Variants in KDM4C observed in about 807,000 individuals in gnomAD.
KDM4C encodes the protein lysine-specific demethylase 4C.
Under a neutral mutation model 129.3 loss-of-function variants are expected in KDM4C, and 81 were observed. The ratio of observed to expected loss-of-function variants is 0.63; its 90% CI spans 0.52 to 0.75. KDM4C has a LOEUF of 0.75. Among genes scored for constraint, KDM4C ranks in the 30% least tolerant of loss-of-function variants. The pLI is 0.00. For synonymous variants in KDM4C, 573 were observed against 456.1 expected (o/e 1.26, Z -3.26); for missense variants, 1,457 against 1,304.0 (o/e 1.12, Z -1.81).
At chr9:6,871,169 A>G (rs1842773153) in intron 5 of KDM4C, among the ~76,000 whole-genome samples, 1 of 152,254 alleles carries the variant, frequency 6.6e-6, no homozygotes. Context: ...AAGTAAGTGG[A>G]CTGAGCATAT....
intron 2 of KDM4C, among the ~76,000 whole-genome samples, chr9:6,796,991 ATTT>A (rs34065981): frequency 2.8e-5 from 4 of 143,898 alleles, no homozygotes; most frequent in Non-Finnish European, 3.0e-5. Flanking sequence ...TTAATGCACT[ATTT>A]TTTTTTTTTT....
intron 12 of KDM4C, among the ~76,000 whole-genome samples, chr9:7,006,940 A>G (rs553883041): frequency 3.5e-4 from 54 of 152,376 alleles, no homozygotes; most frequent in African/African-American, 1.2e-3. Context: ...AGTTTATAAA[A>G]TAAATTTTTA....
At chr9:6,787,290 T>G (rs1326415774) in intron 1 of KDM4C, among the ~76,000 whole-genome samples, 1 of 152,242 alleles carries the variant, frequency 6.6e-6, no homozygotes, top group African/African-American at 2.4e-5. Flanking sequence ...TAGAGTGCAG[T>G]GGCACCGTCT....
intron 19 of KDM4C, among the ~76,000 whole-genome samples, chr9:7,164,699 C>T (rs1844189161): frequency 6.6e-6 from 1 of 152,166 alleles, no homozygotes; most frequent in African/African-American, 2.4e-5. Context: ...GCTCCACTTC[C>T]ACCTGGGTGT....
intron 17 of KDM4C, among the ~76,000 whole-genome samples, chr9:7,094,732 T>C (rs940841652): frequency 6.6e-6 from 1 of 152,230 alleles, no homozygotes; most frequent in Non-Finnish European, 1.5e-5. Context: ...GCATTGACTT[T>C]ATAGCTTTTC....
At chr9:6,801,238 A>AT (rs1828889987) in intron 2 of KDM4C, among the ~76,000 whole-genome samples, 2 of 133,202 alleles carry the variant, frequency 1.5e-5, no homozygotes, top group Non-Finnish European at 3.1e-5. Context: ...TGAGTAGGGA[A>AT]ATTTTTTTTT....
intron 21 of KDM4C, chr9:7,170,272 C>T: frequency 9.2e-7 from 1 of 1,088,926 alleles, no homozygotes; most frequent in Middle Eastern, 4.2e-4. Flanking sequence ...TCAAAGGGGA[C>T]TCGGCATAAT....
chr9:7,111,911 G>A (rs1457641830), intron 18 of KDM4C, among the ~76,000 whole-genome samples: 3 of 152,178 alleles, frequency 2.0e-5, no homozygotes, highest in South Asian at 2.1e-4. Flanking sequence ...TGAGGGACAG[G>A]AAGGATTATC....
chr9:6,824,838 A>G (rs183911656), intron 4 of KDM4C, among the ~76,000 whole-genome samples: 8 of 152,188 alleles, frequency 5.3e-5, no homozygotes, highest in African/African-American at 1.9e-4. Context: ...CAAATCTCTT[A>G]TGTCTAGCTC....
At chr9:7,061,704 C>T (rs1233276740) in intron 17 of KDM4C, among the ~76,000 whole-genome samples, 3 of 151,532 alleles carry the variant, frequency 2.0e-5, no homozygotes, top group African/African-American at 2.4e-5. Context: ...ACTTTTTTCC[C>T]AATATCGACT....
intron 5 of KDM4C, among the ~76,000 whole-genome samples, chr9:6,865,460 G>A (rs1290111028): frequency 6.6e-6 from 1 of 152,160 alleles, no homozygotes; most frequent in Non-Finnish European, 1.5e-5. Flanking sequence ...TTCTTGCTTT[G>A]TCCATTTGAG....
chr9:7,171,905 G>A (rs866889188), intron 21 of KDM4C, among the ~76,000 whole-genome samples: 33 of 152,146 alleles, frequency 2.2e-4, no homozygotes, highest in African/African-American at 7.5e-4. Context: ...GCTATTCTGA[G>A]CGGCTAAGCC....
At chr9:6,793,445 G>A (rs1379819455) in intron 2 of KDM4C, among the ~76,000 whole-genome samples, 1 of 151,626 alleles carries the variant, frequency 6.6e-6, no homozygotes, top group Non-Finnish European at 1.5e-5. Flanking sequence ...GTTTTTGTCA[G>A]TTTTTTTGTA....
At chr9:6,951,761 C>T (rs962024099) in intron 8 of KDM4C, among the ~76,000 whole-genome samples, 1 of 152,044 alleles carries the variant, frequency 6.6e-6, no homozygotes, top group African/African-American at 2.4e-5. Context: ...TAGAGATGCC[C>T]AAATTCATTT....
At chr9:6,936,210 C>A (rs192394054) in intron 8 of KDM4C, among the ~76,000 whole-genome samples, 32 of 152,216 alleles carry the variant, frequency 2.1e-4, no homozygotes, top group South Asian at 1.2e-3. Context: ...GGATATCCAG[C>A]TGTTTGTATG....
At chr9:7,058,214 A>G (rs1445752337) in intron 17 of KDM4C, among the ~76,000 whole-genome samples, 1 of 152,136 alleles carries the variant, frequency 6.6e-6, no homozygotes, top group East Asian at 1.9e-4. Context: ...CCTTTGGGGG[A>G]TAAATCACTG....
In KDM4C at chr9:6,784,667, C is replaced by G. The variant is rs570532283; in HGVS notation, c.-17-8305C>G. Among the ~76,000 whole-genome samples the G allele has an allele frequency of 3.9e-5, 6 of 152,338 alleles. No individual in the cohort carries two copies. The East Asian group carries it at 9.6e-4, about 24-fold the overall frequency. Reference sequence around the variant, plus strand: ...CCCTGGCCTCAGCAGGCAGGTGGAACAAGATGGAGTGGTGATCGGAATGGG... The same window carrying G: ...CCCTGGCCTCAGCAGGCAGGTGGAAGAAGATGGAGTGGTGATCGGAATGGG... On this transcript the variant is annotated intron_variant, in intron 1 of 21. Transcript: ENST00000381309.
chr9:6,846,241 T>A (rs1359604490), intron 4 of KDM4C, among the ~76,000 whole-genome samples: 1 of 152,230 alleles, frequency 6.6e-6, no homozygotes, highest in East Asian at 1.9e-4. Flanking sequence ...TCAGATAGAT[T>A]TAGGTTAATC....
At chr9:6,757,706 C>T, upstream of KDM4C, 1 of 985,566 alleles carries the variant, frequency 1.0e-6, no homozygotes, top group African/African-American at 1.7e-5. Context: ...TCCAGCCCTG[C>T]GGGACCCCAG....
Sources: gnomAD v4.1 joint callset for allele counts (sites outside exome capture counted in the v4.1 genomes callset) on GRCh38, gnomAD v4.1.1 for gene constraint, MANE v1.5 for transcripts, NCBI Gene and HGNC (gene_info 2026-07-23, HGNC 2026-07-21) for gene names.